Variants in RAB8A observed in about 807,000 individuals in gnomAD.
RAB8A encodes ras-related protein Rab-8A.
A neutral mutation model predicts 29.2 loss-of-function variants in RAB8A; 5 were observed. The ratio of observed to expected loss-of-function variants is 0.17; its 90% CI spans 0.09 to 0.36. The LOEUF is 0.36. Among genes scored for constraint, RAB8A ranks in the 10% least tolerant of loss-of-function variants. The pLI is 1.00. For synonymous variants in RAB8A, 108 were observed against 99.9 expected (o/e 1.08, Z -0.49); for missense variants, 171 against 272.2 (o/e 0.63, Z 2.62).
rs751842773 is a variant in RAB8A, at chr19:16,125,534, G to A, written c.311G>A (p.Arg104His). Reference sequence around the variant, plus strand: ...TTCGACAACATCCGGAACTGGATTCGCAACATTGAGGAGGTGAGGCCCTCC... The same window carrying A: ...TTCGACAACATCCGGAACTGGATTCACAACATTGAGGAGGTGAGGCCCTCC... ...KSFDNIRNWI[R>H]NIEEHASADV... The change falls in exon 4 of 8, where the codon CGC (arginine) becomes CAC (histidine). Residue 104 changes from arginine to histidine, a missense_variant. Coordinates refer to ENST00000300935, the MANE Select transcript of RAB8A (RefSeq NM_005370.5). This position sits in a 1 kb window ranked among gnomAD's most constrained non-coding sequence, Gnocchi z 5.0. 5 of 1,613,536 alleles carry A rather than the reference G, an allele frequency of 3.1e-6. No homozygotes were observed. Among genetic ancestry groups the A allele is most frequent in the South Asian group, 1.1e-5 (1 of 91,036 alleles).
At chr19:16,113,282 C>A (rs774198678) in intron 1 of RAB8A, among the ~76,000 whole-genome samples, 2 of 152,208 alleles carry the variant, frequency 1.3e-5, no homozygotes, top group Non-Finnish European at 2.9e-5. Flanking sequence ...TCAAGAAAAC[C>A]TAGGGAATGG....
At position 16,127,813 on chromosome 19, in the gene RAB8A, C is replaced by T; in HGVS notation, c.415-213C>T. On this transcript the variant is annotated intron_variant, in intron 5 of 7. Coordinates refer to ENST00000300935, the MANE Select transcript of RAB8A (RefSeq NM_005370.5). This position sits in a 1 kb window ranked among gnomAD's most constrained non-coding sequence, Gnocchi z 4.8. ...GCAGGTCCCCGCCACCCTCCCATCTCAGCTGCCATCCCCAGCAACTCCATG... is the reference window on the plus strand; with the variant it reads ...GCAGGTCCCCGCCACCCTCCCATCTTAGCTGCCATCCCCAGCAACTCCATG... 9.5e-6 allele frequency: 6 copies of T among 633,784 alleles called. No individual in the cohort carries two copies. The highest frequency in any genetic ancestry group is 8.9e-5 in the South Asian group (5 of 55,908). The allele number at this position is 633,784 out of a possible 1,614,324, so 39.3% of individuals were successfully genotyped here.
chr19:16,117,997 C>T (rs2090854250), intron 1 of RAB8A, among the ~76,000 whole-genome samples: 1 of 152,146 alleles, frequency 6.6e-6, no homozygotes, highest in African/African-American at 2.4e-5. Flanking sequence ...AGGGCTTTGC[C>T]ACCCGCGCCC....
intron 1 of RAB8A, among the ~76,000 whole-genome samples, chr19:16,113,089 C>T (rs2090831271): frequency 6.6e-6 from 1 of 152,224 alleles, no homozygotes; most frequent in South Asian, 2.1e-4. Context: ...CTTGGTGCAT[C>T]TCAGTTGTGA....
intron 1 of RAB8A, among the ~76,000 whole-genome samples, chr19:16,114,637 C>G (rs1194801192): frequency 6.6e-6 from 1 of 150,810 alleles, no homozygotes; most frequent in Non-Finnish European, 1.5e-5. Flanking sequence ...GACCGCCCAC[C>G]TTGGCCTCCC....
rs2090881496 is a variant in RAB8A, at chr19:16,122,946, C to T, written c.246+1136C>T. Among the ~76,000 whole-genome samples, 1 of 152,130 alleles carries T rather than the reference C, an allele frequency of 6.6e-6. No homozygotes were observed. The highest frequency in any genetic ancestry group is 2.4e-5 in the African/African-American group (1 of 41,414). Reference sequence around the variant, plus strand: ...AGAAAACTGTGACCTGGGGCCTGTCCCGATCTTCTCTGGGCCCAAATAGCC... The same window carrying T: ...AGAAAACTGTGACCTGGGGCCTGTCTCGATCTTCTCTGGGCCCAAATAGCC... On this transcript the variant is annotated intron_variant, in intron 3 of 7. Coordinates refer to ENST00000300935, the MANE Select transcript of RAB8A (RefSeq NM_005370.5). The surrounding 1 kb of genome is among the most constrained non-coding windows in gnomAD (Gnocchi z 4.7).
At chr19:16,130,494 T>C (rs749810403) in intron 7 of RAB8A, among the ~76,000 whole-genome samples, 29 of 152,344 alleles carry the variant, frequency 1.9e-4, no homozygotes, top group Admixed American at 7.8e-4. Flanking sequence ...AGGCATGTGA[T>C]TGATTTAATA....
rs1327371627 is a variant in RAB8A at position 16,125,547 on chromosome 19, G to A, written c.324G>A (p.Glu108=). The part of the protein sequence containing the change: ...NIRNWIRNIE[E]HASADVEKMI... Reference sequence around the variant, plus strand: ...GGAACTGGATTCGCAACATTGAGGAGGTGAGGCCCTCCGGCTCCTCCCACT... The same window carrying A: ...GGAACTGGATTCGCAACATTGAGGAAGTGAGGCCCTCCGGCTCCTCCCACT... Residue 108 remains glutamate, a splice_region_variant and synonymous_variant, in exon 4 of 8, where the codon GAG becomes GAA. Transcript: ENST00000300935. The surrounding 1 kb of genome is among the most constrained non-coding windows in gnomAD (Gnocchi z 5.0). 1 of 1,612,116 alleles carries A rather than the reference G, an allele frequency of 6.2e-7. No individual in the cohort carries two copies. The highest frequency in any genetic ancestry group is 8.5e-7 in the Non-Finnish European group (1 of 1,178,764).
chr19:16,116,069 G>T (rs908943898), intron 1 of RAB8A, among the ~76,000 whole-genome samples: 2 of 152,322 alleles, frequency 1.3e-5, no homozygotes, highest in Admixed American at 6.5e-5. Context: ...TTAATAAATA[G>T]GTAAAGGGAG....
intron 7 of RAB8A, among the ~76,000 whole-genome samples, chr19:16,131,928 T>G (rs1314467340): frequency 6.7e-6 from 1 of 148,852 alleles, no homozygotes; most frequent in African/African-American, 2.5e-5. Context: ...CTGGACGGAC[T>G]GGCAGATGAT....
chr19:16,118,165 G>A (rs1185739455), intron 1 of RAB8A, 61 bp from the exon 2 acceptor site: 1 of 1,507,540 alleles, frequency 6.6e-7, no homozygotes, highest in Non-Finnish European at 9.1e-7. Flanking sequence ...GTGGCGCCCA[G>A]CTCAGACACA....
chr19:16,117,114 T>G (rs547326209), intron 1 of RAB8A, among the ~76,000 whole-genome samples: 1 of 152,318 alleles, frequency 6.6e-6, no homozygotes, highest in East Asian at 1.9e-4. Context: ...TCCGTTCCTT[T>G]TTATGACTGG....
At chr19:16,112,919 A>G (rs2090830766) in intron 1 of RAB8A, among the ~76,000 whole-genome samples, 1 of 152,216 alleles carries the variant, frequency 6.6e-6, no homozygotes, top group African/African-American at 2.4e-5. Context: ...GGGACCTGTC[A>G]TCCCCAAGAA....
intron 7 of RAB8A, among the ~76,000 whole-genome samples, chr19:16,130,290 C>T (rs1254669612): frequency 1.3e-5 from 2 of 152,160 alleles, no homozygotes; most frequent in Non-Finnish European, 1.5e-5. Flanking sequence ...CTTCCTCCCT[C>T]GCCCTGGTTC....
At position 16,132,077 on chromosome 19, in the gene RAB8A, TTTGGTTGGTTGG is replaced by T; in HGVS notation, c.532-118_532-107del. 5.9e-6 allele frequency: 4 copies of T among 674,212 alleles called. No individual in the cohort carries two copies. Among genetic ancestry groups the T allele is most frequent in the Middle Eastern group, 2.6e-4 (1 of 3,796 alleles). The allele number at this position is 674,212 out of a possible 1,614,324, so 41.8% of individuals were successfully genotyped here. A position where few individuals can be genotyped will look rare whatever the true frequency, so the allele number is the denominator to read the frequency against. Reference sequence around the variant, plus strand: ...TTGGCTGGTTTGATTGGTTTGGTTGTTTGGTTGGTTGGTTGGTTGGTTGGTTGGATGGTTGGA... The same window carrying T: ...TTGGCTGGTTTGATTGGTTTGGTTGTTTGGTTGGTTGGTTGGATGGTTGGA... On this transcript the variant is annotated intron_variant, in intron 7 of 7. Coordinates refer to ENST00000300935, the MANE Select transcript of RAB8A (RefSeq NM_005370.5). This position sits in a 1 kb window ranked among gnomAD's most constrained non-coding sequence, Gnocchi z 5.6.
rs2090906313 is a variant in RAB8A at position 16,127,261 on chromosome 19, G to A, written c.325-176G>A. 6.6e-6 allele frequency among the ~76,000 whole-genome samples: 1 copy of A among 152,114 alleles called. No homozygotes were observed. Among genetic ancestry groups the A allele is most frequent in the Non-Finnish European group, 1.5e-5 (1 of 68,000 alleles). ...CCTGGCCCCAGCCCTGGCATTGGCT[G>A]TGTGACATGGGGCCGGCTGCTTGGC... On this transcript the variant is annotated intron_variant, in intron 4 of 7. Transcript: ENST00000300935. This position sits in a 1 kb window ranked among gnomAD's most constrained non-coding sequence, Gnocchi z 4.8.
rs1417810157 is a variant in RAB8A at position 16,133,712 on chromosome 19, TA to T, written c.*1409del. The T allele has an allele frequency of 4.6e-5, 7 of 152,534 alleles. No individual in the cohort carries two copies. The highest frequency in any genetic ancestry group is 1.4e-4 in the African/African-American group (6 of 41,440). 9.4% of individuals were successfully genotyped at this position (152,534 alleles called of 1,614,324 possible). A position where few individuals can be genotyped will look rare whatever the true frequency, so the allele number is the denominator to read the frequency against. On this transcript the variant is annotated 3_prime_UTR_variant, in exon 8 of 8. Transcript: ENST00000300935. ...CTGGGGGTGGGTCTGGACAAGATGG[TA>T]GAGCCCATGGATTACCCCATCGAGC...
intron 2 of RAB8A, 37 bp from the exon 3 acceptor site, chr19:16,121,713 C>T (rs1166335669): frequency 6.3e-7 from 1 of 1,594,760 alleles, no homozygotes; most frequent in African/African-American, 1.3e-5. Flanking sequence ...AGTTATTTTC[C>T]TTTAATGTTG....
At chr19:16,121,573 C>A (rs1278418913) in intron 2 of RAB8A, among the ~76,000 whole-genome samples, 177 bp from the exon 3 acceptor site, 1 of 152,120 alleles carries the variant, frequency 6.6e-6, no homozygotes, top group Non-Finnish European at 1.5e-5. Flanking sequence ...CCCCTCCAGG[C>A]CACAGTGTCC....
Sources: gnomAD v4.1 joint callset for allele counts (sites outside exome capture counted in the v4.1 genomes callset) on GRCh38, gnomAD v4.1.1 for gene constraint, Gnocchi (gnomAD v3.1) non-coding constraint, MANE v1.5 for transcripts, NCBI Gene and HGNC (gene_info 2026-07-23, HGNC 2026-07-21) for gene names.